INO80: variants seen among roughly 807,000 people sequenced by gnomAD.
INO80 encodes INO80 complex ATPase subunit.
INO80 carries 20 observed loss-of-function variants against 203.4 expected under a neutral mutation model. The ratio of observed to expected loss-of-function variants is 0.10; its 90% CI spans 0.07 to 0.14. The LOEUF is 0.14. Ranked by LOEUF, INO80 falls within the 10% of genes least tolerant of loss-of-function variation. The pLI is 1.00. For synonymous variants in INO80, 726 were observed against 685.2 expected (o/e 1.06, Z -0.93); for missense variants, 1,419 against 1,914.4 (o/e 0.74, Z 4.83).
intron 9 of INO80, among the ~76,000 whole-genome samples, 169 bp from the exon 10 acceptor site, chr15:41,074,734 A>G (rs2045377387): frequency 6.6e-6 from 1 of 152,170 alleles, no homozygotes; most frequent in Non-Finnish European, 1.5e-5. Context: ...GTGGCACTAA[A>G]AGCAATGAAT....
intron 24 of INO80, among the ~76,000 whole-genome samples, chr15:41,041,729 C>T (rs1356808281): frequency 1.3e-5 from 2 of 152,162 alleles, no homozygotes; most frequent in Non-Finnish European, 1.5e-5. Context: ...CAGGCATGAG[C>T]CACTGTACCC....
chr15:41,058,917 A>T (rs2045050405), intron 15 of INO80, 136 bp from the exon 16 acceptor site: 1 of 779,492 alleles, frequency 1.3e-6, no homozygotes, highest in African/African-American at 1.8e-5. Context: ...TGGTAGGGAG[A>T]TGTGCAGTGA....
chr15:41,002,167 C>A (rs1321536815), intron 28 of INO80, among the ~76,000 whole-genome samples: 1 of 152,130 alleles, frequency 6.6e-6, no homozygotes, highest in Non-Finnish European at 1.5e-5. Flanking sequence ...GATGGTTACC[C>A]AAATGTTGAC....
chr15:41,070,208 C>T (rs948541222), intron 13 of INO80, among the ~76,000 whole-genome samples: 1 of 152,160 alleles, frequency 6.6e-6, no homozygotes, highest in Non-Finnish European at 1.5e-5. Context: ...AACTATATGG[C>T]CCTTGCCACT....
intron 29 of INO80, among the ~76,000 whole-genome samples, chr15:40,990,616 ATTG>A (rs1002738183): frequency 1.3e-5 from 2 of 152,226 alleles, no homozygotes; most frequent in Non-Finnish European, 2.9e-5. Flanking sequence ...GTGAATGCTT[ATTG>A]TTAATCTAGT....
intron 25 of INO80, among the ~76,000 whole-genome samples, chr15:41,026,814 G>C (rs1187538621): frequency 6.6e-6 from 1 of 152,184 alleles, no homozygotes; most frequent in Non-Finnish European, 1.5e-5. Context: ...CTCTGGCTCT[G>C]ATCAACATGG....
intron 14 of INO80, among the ~76,000 whole-genome samples, chr15:41,063,291 C>G (rs942930890): frequency 1.3e-5 from 2 of 151,948 alleles, no homozygotes; most frequent in African/African-American, 4.8e-5. Flanking sequence ...AAGCTGAGAT[C>G]ACATCACTGC....
chr15:41,092,823 C>A (rs765688354), intron 4 of INO80, among the ~76,000 whole-genome samples: 51 of 152,040 alleles, frequency 3.4e-4, no homozygotes, highest in Non-Finnish European at 5.9e-4. Flanking sequence ...TTGGCAGGCC[C>A]AGGCATGAGG....
At chr15:41,075,143 CA>C (rs1304454630) in intron 9 of INO80, among the ~76,000 whole-genome samples, 2 of 152,196 alleles carry the variant, frequency 1.3e-5, no homozygotes, top group South Asian at 2.1e-4. Context: ...TTCTTTCTTA[CA>C]TTACTTTTCT....
At position 41,079,945 on chromosome 15, in the gene INO80, C is replaced by T. The variant is rs375850065; in HGVS notation, c.928-41G>A. 3.8e-6 allele frequency: 6 copies of T among 1,571,812 alleles called. No individual in the cohort carries two copies. The African/African-American group carries it at 6.8e-5, about 18-fold the overall frequency. ...GCATTACAGCGGAAAGGACCCCATA[C>T]CAGAAGCTGGTTCTTCCTGGACTCT... On this transcript the variant is annotated intron_variant, in intron 8 of 35. Transcript: ENST00000648947.
intron 23 of INO80, 142 bp from the exon 24 acceptor site, chr15:41,045,217 T>A (rs1255058630): frequency 3.4e-6 from 2 of 591,418 alleles, no homozygotes; most frequent in Non-Finnish European, 5.4e-6. Flanking sequence ...CCTACTTTCC[T>A]ACTTTCAGAT....
At chr15:41,005,314 G>A (rs1251915167) in intron 28 of INO80, 1 of 281,714 alleles carries the variant, frequency 3.5e-6, no homozygotes, top group Non-Finnish European at 6.6e-6. Flanking sequence ...TTCATACTTA[G>A]AAATGATTTC....
intron 1 of INO80, among the ~76,000 whole-genome samples, chr15:41,105,397 A>G (rs148040442): frequency 2.8e-3 from 426 of 152,302 alleles, no homozygotes; most frequent in African/African-American, 9.5e-3. Flanking sequence ...TTATATGCCA[A>G]ATGTTTCATA....
Position 41,027,894 on chromosome 15 carries a change from T to A in INO80, c.2908-158A>T. On this transcript the variant is annotated intron_variant, in intron 24 of 35. Transcript: ENST00000648947. ...CAACCACTAATTAGAACCAAGTATATAATACAGTTGAAGCCCATGTTAATT... is the reference window on the plus strand; with the variant it reads ...CAACCACTAATTAGAACCAAGTATAAAATACAGTTGAAGCCCATGTTAATT... The A allele has an allele frequency of 6.0e-6, 3 of 502,820 alleles. No homozygotes were observed. The South Asian group carries it at 1.1e-4, about 19-fold the overall frequency. 31.1% of individuals were successfully genotyped at this position (502,820 alleles called of 1,614,324 possible).
chr15:40,995,826 C>T (rs1162786639), intron 29 of INO80, among the ~76,000 whole-genome samples: 2 of 152,142 alleles, frequency 1.3e-5, no homozygotes, highest in African/African-American at 2.4e-5. Flanking sequence ...CTCAAGTGAG[C>T]CACCACATCA....
intron 18 of INO80, among the ~76,000 whole-genome samples, chr15:41,054,831 T>C (rs1408686358): frequency 1.3e-5 from 2 of 152,018 alleles, no homozygotes; most frequent in Non-Finnish European, 2.9e-5. Flanking sequence ...AGAGACAGGG[T>C]TTCACCATGT....
At chr15:40,996,917 A>G (rs1238842756) in intron 29 of INO80, among the ~76,000 whole-genome samples, 1 of 152,214 alleles carries the variant, frequency 6.6e-6, no homozygotes, top group African/African-American at 2.4e-5. Flanking sequence ...GATGTACCCT[A>G]AATGTCTCAA....
intron 1 of INO80, among the ~76,000 whole-genome samples, chr15:41,103,217 T>C (rs1023818741): frequency 9.8e-5 from 15 of 152,344 alleles, no homozygotes; most frequent in Non-Finnish European, 1.9e-4. Flanking sequence ...TAATTCTTCT[T>C]TGGGAATAAT....
At chr15:41,088,091 T>TC (rs1450039755) in intron 5 of INO80, among the ~76,000 whole-genome samples, 5 of 143,886 alleles carry the variant, frequency 3.5e-5, no homozygotes, top group Admixed American at 6.9e-5. Context: ...GCTTTTCTTT[T>TC]TTTTTTTTTT....
Sources: gnomAD v4.1 joint callset for allele counts (sites outside exome capture counted in the v4.1 genomes callset) on GRCh38, gnomAD v4.1.1 for gene constraint, MANE v1.5 for transcripts, NCBI Gene and HGNC (gene_info 2026-07-23, HGNC 2026-07-21) for gene names.